Variants in SLC28A3 observed in about 807,000 individuals in gnomAD.
SLC28A3 encodes the protein concentrative Na(+)-nucleoside cotransporter 3.
A neutral mutation model predicts 84.2 loss-of-function variants in SLC28A3; 68 were observed. The observed-to-expected ratio is 0.81, with a 90% CI of 0.66 to 0.99. The LOEUF is 0.99. SLC28A3 is among the 50% of genes least tolerant of loss of function. SLC28A3 has a pLI of 0.00. For synonymous variants in SLC28A3, 267 were observed against 303.6 expected (o/e 0.88, Z 1.25); for missense variants, 712 against 841.5 (o/e 0.85, Z 1.90).
At chr9:84,348,910 A>ATT in the SLC28A3 span, among the ~76,000 whole-genome samples, 31 of 140,796 alleles carry the variant, frequency 2.2e-4, no homozygotes, top group African/African-American at 5.4e-4. Flanking sequence ...ATAAACTTGT[A>ATT]TTTTTTTTTT....
the SLC28A3 span, among the ~76,000 whole-genome samples, chr9:84,355,910 T>A: frequency 6.6e-6 from 1 of 152,068 alleles, no homozygotes; most frequent in Non-Finnish European, 1.5e-5. Flanking sequence ...ACCTCCCTGG[T>A]CTCAGGTGAT....
intron 4 of SLC28A3, 77 bp from the exon 5 acceptor site, chr9:84,302,466 C>T (rs1285885629): frequency 5.5e-6 from 8 of 1,455,984 alleles, no homozygotes; most frequent in African/African-American, 1.4e-5. Context: ...CTTGTTCTGG[C>T]GCAGGTGAGG....
chr9:84,321,787 C>G (rs187109105), intron 1 of SLC28A3, among the ~76,000 whole-genome samples: 10 of 149,228 alleles, frequency 6.7e-5, no homozygotes, highest in African/African-American at 2.5e-4. Flanking sequence ...CGTGGTGGCT[C>G]ATGCCTATAA....
At chr9:84,341,043 G>A (rs188007278), upstream of SLC28A3, among the ~76,000 whole-genome samples, 385 of 149,518 alleles carry the variant, frequency 2.6e-3, 3 homozygotes, top group African/African-American at 9.1e-3. Context: ...ACGCAATCTC[G>A]GTTCACTGCA....
intron 4 of SLC28A3, among the ~76,000 whole-genome samples, chr9:84,302,922 CA>C (rs1825681040): frequency 6.6e-6 from 1 of 152,134 alleles, no homozygotes; most frequent in Admixed American, 6.5e-5. Flanking sequence ...TTTTGAAGAG[CA>C]GATTCTAGGA....
intron 1 of SLC28A3, among the ~76,000 whole-genome samples, chr9:84,327,930 A>AT (rs1826628157): frequency 6.6e-6 from 1 of 150,662 alleles, no homozygotes; most frequent in Non-Finnish European, 1.5e-5. Context: ...CATTTCAAAA[A>AT]AAAAAAAAAA....
At chr9:84,333,869 T>C (rs1007390006) in intron 1 of SLC28A3, among the ~76,000 whole-genome samples, 2 of 152,214 alleles carry the variant, frequency 1.3e-5, no homozygotes, top group Non-Finnish European at 2.9e-5. Flanking sequence ...GCAATGTTTG[T>C]AGAAGCTCCA....
intron 1 of SLC28A3, among the ~76,000 whole-genome samples, chr9:84,314,661 A>C (rs1410033898): frequency 6.6e-6 from 1 of 152,248 alleles, no homozygotes; most frequent in Non-Finnish European, 1.5e-5. Flanking sequence ...TTTTTGTTAC[A>C]GTTGCTTATA....
chr9:84,299,497 A>C, intron 6 of SLC28A3, 84 bp downstream of exon 6: 1 of 1,551,452 alleles, frequency 6.4e-7, no homozygotes, highest in Admixed American at 1.8e-5. Context: ...ACAATAGTTA[A>C]ATTCTCTCAC....
chr9:84,286,697 A>G (rs1449027674), intron 12 of SLC28A3, among the ~76,000 whole-genome samples: 3 of 152,168 alleles, frequency 2.0e-5, no homozygotes, highest in African/African-American at 7.2e-5. Flanking sequence ...ATAAAAGCTA[A>G]TGATTCAAAA....
At chr9:84,332,492 A>C (rs558489460) in intron 1 of SLC28A3, among the ~76,000 whole-genome samples, 4 of 152,292 alleles carry the variant, frequency 2.6e-5, no homozygotes, top group Admixed American at 6.5e-5. Flanking sequence ...TAAAAATTTC[A>C]TGTATTAATA....
rs1260797059 is a variant in SLC28A3 at position 84,277,021 on chromosome 9, A to T, written c.*1197T>A. ...TCTGGAATCTTTTTCTTAGACACTG[A>T]CACCCATTCTTCAAGTTTGATACTG... On this transcript the variant is annotated 3_prime_UTR_variant, in exon 18 of 18. Coordinates refer to ENST00000376238, the MANE Select transcript of SLC28A3 (RefSeq NM_001199633.2). The T allele has an allele frequency of 6.6e-6, 1 of 152,240 alleles. No homozygotes were observed. The highest frequency in any genetic ancestry group is 1.9e-4 in the East Asian group (1 of 5,188). 9.4% of individuals were successfully genotyped at this position (152,240 alleles called of 1,614,324 possible).
At chr9:84,344,204 T>TC (rs1466591881), upstream of SLC28A3, among the ~76,000 whole-genome samples, 2 of 145,972 alleles carry the variant, frequency 1.4e-5, no homozygotes, top group Non-Finnish European at 3.0e-5. Context: ...TTTTTTTTTT[T>TC]GGTCAGACAG....
chr9:84,328,961 C>A (rs1247760916), intron 1 of SLC28A3, among the ~76,000 whole-genome samples: 1 of 151,974 alleles, frequency 6.6e-6, no homozygotes, highest in Non-Finnish European at 1.5e-5. Flanking sequence ...AAACAAAATC[C>A]CATGATCCAA....
rs1402784199 is a variant in SLC28A3, at chr9:84,305,282, C to T, written c.306G>A (p.Arg102=). ...CTAATAAAATGCCCCAGATGATGTGCCGAAGAGTTGTTTTGTGTTTCCTAC... is the reference window on the plus strand; with the variant it reads ...CTAATAAAATGCCCCAGATGATGTGTCGAAGAGTTGTTTTGTGTTTCCTAC... ...GFCRKHKTTL[R]HIIWGILLAG... Residue 102 remains arginine (R), a synonymous_variant, in exon 4 of 18, where the codon CGG becomes CGA. Coordinates refer to ENST00000376238, the MANE Select transcript of SLC28A3 (RefSeq NM_001199633.2). The T allele has an allele frequency of 1.9e-6, 3 of 1,613,586 alleles. No homozygotes were observed. Among genetic ancestry groups the T allele is most frequent in the Non-Finnish European group, 2.5e-6 (3 of 1,179,930 alleles).
At chr9:84,308,510 C>T (rs542275869) in intron 3 of SLC28A3, among the ~76,000 whole-genome samples, 1 of 151,876 alleles carries the variant, frequency 6.6e-6, no homozygotes, top group African/African-American at 2.4e-5. Flanking sequence ...TGTGCCACTG[C>T]ACTCCAGCCT....
chr9:84,304,050 C>A (rs553397637), intron 4 of SLC28A3, among the ~76,000 whole-genome samples: 3 of 152,216 alleles, frequency 2.0e-5, no homozygotes, highest in South Asian at 4.1e-4. Context: ...CCCTTTATGA[C>A]TTTCCTTTCC....
Position 84,285,941 on chromosome 9 carries a change from A to G in SLC28A3, c.1449+2T>C. 6.2e-7 allele frequency: 1 copy of G among 1,612,622 alleles called. No individual in the cohort carries two copies. Among genetic ancestry groups the G allele is most frequent in the Non-Finnish European group, 8.5e-7 (1 of 1,179,176 alleles). Reference sequence around the variant, plus strand: ...GAGGGCAGGGGCGTGATGTGATTATACCTCAAAACTCAGCTGTGGGTAGTC... The same window carrying G: ...GAGGGCAGGGGCGTGATGTGATTATGCCTCAAAACTCAGCTGTGGGTAGTC... On this transcript the variant is annotated splice_donor_variant, in intron 13 of 17. Coordinates refer to ENST00000376238, the MANE Select transcript of SLC28A3 (RefSeq NM_001199633.2). LOFTEE classifies it high-confidence loss of function.
intron 4 of SLC28A3, 93 bp from the exon 5 acceptor site, chr9:84,302,482 T>C: frequency 2.5e-6 from 3 of 1,199,886 alleles, no homozygotes; most frequent in Non-Finnish European, 3.5e-6. Flanking sequence ...TGAGGGGAGG[T>C]TTAATATCAT....
Sources: gnomAD v4.1 joint callset for allele counts (sites outside exome capture counted in the v4.1 genomes callset) on GRCh38, gnomAD v4.1.1 for gene constraint, MANE v1.5 for transcripts, NCBI Gene and HGNC (gene_info 2026-07-23, HGNC 2026-07-21) for gene names.